The following FHIP1A variants were observed in gnomAD, a reference collection of about 807,000 sequenced individuals.
FHIP1A encodes FHF complex subunit HOOK-interacting protein 1A.
In FHIP1A, 61 loss-of-function variants were observed where a neutral mutation model predicts 88.6. That is an observed-to-expected ratio of 0.69 (90% CI 0.56 to 0.85). The LOEUF (loss-of-function observed/expected upper bound fraction) is 0.85, where lower values mean the gene tolerates loss of function less well. Among genes scored for constraint, FHIP1A ranks in the 40% least tolerant of loss-of-function variants. FHIP1A has a pLI of 0.00. For missense variants in FHIP1A, 1,154 were observed against 1,273.5 expected (o/e 0.91, Z 1.43); for synonymous variants, 478 against 496.0 (o/e 0.96, Z 0.48).
chr4:151,542,715 C>G (rs1580687870), intron 3 of FHIP1A, among the ~76,000 whole-genome samples: 1 of 152,180 alleles, frequency 6.6e-6, no homozygotes, highest in Non-Finnish European at 1.5e-5. Flanking sequence ...GTGGCAGTTC[C>G]TGCTCCTCAA....
At chr4:151,511,649 G>A (rs922408711) in intron 3 of FHIP1A, among the ~76,000 whole-genome samples, 6 of 152,326 alleles carry the variant, frequency 3.9e-5, no homozygotes, top group East Asian at 1.9e-4. Context: ...CACATGGCTC[G>A]GAGAGTCCTA....
intron 5 of FHIP1A, among the ~76,000 whole-genome samples, chr4:151,579,153 T>C (rs748863312): frequency 1.3e-5 from 2 of 152,196 alleles, no homozygotes; most frequent in African/African-American, 4.8e-5. Flanking sequence ...CAAATTACTT[T>C]GTATGATACT....
At chr4:151,468,284 CAAAAAAAA>C (rs921242622) in intron 2 of FHIP1A, among the ~76,000 whole-genome samples, 3 of 38,324 alleles carry the variant, frequency 7.8e-5, no homozygotes, top group Non-Finnish European at 1.6e-4. Flanking sequence ...GACTCCATCT[CAAAAAAAA>C]AAAAAAAAAA....
In FHIP1A at chr4:151,509,627, G is replaced by A. The variant is rs111375234; in HGVS notation, c.-123+26979G>A. Among the ~76,000 whole-genome samples, 521 of 152,160 alleles carry A rather than the reference G, an allele frequency of 3.4e-3. 2 individuals carry two copies. The highest frequency in any genetic ancestry group is 0.012 in the African/African-American group (495 of 41,508). Reference sequence around the variant, plus strand: ...GCTGACACATAAGTAAATAGTGGTCGGGGCAGGGAATAATGGTGACCAATA... The same window carrying A: ...GCTGACACATAAGTAAATAGTGGTCAGGGCAGGGAATAATGGTGACCAATA... On this transcript the variant is annotated intron_variant, in intron 3 of 13. Transcript: ENST00000435205.
At chr4:151,531,611 A>T (rs529540586) in intron 3 of FHIP1A, among the ~76,000 whole-genome samples, 4 of 152,254 alleles carry the variant, frequency 2.6e-5, no homozygotes, top group South Asian at 2.1e-4. Context: ...TTAATAATGT[A>T]AATGAAAAAG....
At chr4:151,456,569 A>T (rs1018977429) in intron 2 of FHIP1A, among the ~76,000 whole-genome samples, 4 of 152,196 alleles carry the variant, frequency 2.6e-5, no homozygotes, top group Non-Finnish European at 5.9e-5. Flanking sequence ...TCCACCAATC[A>T]TGGTTACATA....
At chr4:151,559,339 C>CAT (rs1282934508) in intron 3 of FHIP1A, among the ~76,000 whole-genome samples, 3 of 152,128 alleles carry the variant, frequency 2.0e-5, no homozygotes, top group South Asian at 2.1e-4. Flanking sequence ...CTAAGTAGTA[C>CAT]ATAAATATGG....
intron 3 of FHIP1A, among the ~76,000 whole-genome samples, chr4:151,526,923 A>G (rs1201733716): frequency 7.4e-6 from 1 of 135,696 alleles, no homozygotes; most frequent in African/African-American, 2.9e-5. Flanking sequence ...ATCTCAGACA[A>G]TGGGCGGCCG....
At chr4:151,488,865 C>G (rs1014923769) in intron 3 of FHIP1A, among the ~76,000 whole-genome samples, 9 of 152,126 alleles carry the variant, frequency 5.9e-5, no homozygotes, top group African/African-American at 2.2e-4. Flanking sequence ...TGATTTCTAC[C>G]AATTCTACAT....
chr4:151,549,567 A>T (rs1384853324), intron 3 of FHIP1A, among the ~76,000 whole-genome samples: 1 of 151,918 alleles, frequency 6.6e-6, no homozygotes, highest in Non-Finnish European at 1.5e-5. Flanking sequence ...GGAATTACCC[A>T]TGCCTTTCCC....
rs147024904 is a variant in FHIP1A at position 151,650,584 on chromosome 4, C to G, written c.2543C>G (p.Pro848Arg). Residue 848 changes from proline to arginine, a missense_variant, in exon 11 of 14, where the codon CCA (proline) becomes CGA (arginine). Coordinates refer to ENST00000435205, the MANE Select transcript of FHIP1A (RefSeq NM_001109977.3). ...CATCCCGTGAGGACTCAAAGCACCC[C>G]ATTCACAGGTGACCATCTTAAATTG... Reference protein sequence around the residue: ...SRHPVRTQSTPFTGPFISVVL... With the variant: ...SRHPVRTQSTRFTGPFISVVL... 1.3e-6 allele frequency: 2 copies of G among 1,546,118 alleles called. No individual in the cohort carries two copies. Among genetic ancestry groups the G allele is most frequent in the Non-Finnish European group, 1.7e-6 (2 of 1,144,478 alleles).
At chr4:151,448,750 A>G (rs1215013639) in intron 1 of FHIP1A, among the ~76,000 whole-genome samples, 1 of 152,184 alleles carries the variant, frequency 6.6e-6, no homozygotes, top group Non-Finnish European at 1.5e-5. Context: ...TGTGAATGCT[A>G]TGAACATGGG....
intron 2 of FHIP1A, among the ~76,000 whole-genome samples, chr4:151,471,999 C>A (rs1005915196): frequency 6.6e-6 from 1 of 152,068 alleles, no homozygotes; most frequent in Non-Finnish European, 1.5e-5. Context: ...ACCACAGTTT[C>A]TTTATCTTCT....
chr4:151,550,072 C>G (rs991320506), intron 3 of FHIP1A, among the ~76,000 whole-genome samples: 1 of 151,930 alleles, frequency 6.6e-6, no homozygotes. Context: ...TATTTGTTTG[C>G]CTGTTTATAT....
rs564671344 is a variant in FHIP1A, at chr4:151,476,161, A to ATTTT, written c.-247-6347_-247-6344dup. Among the ~76,000 whole-genome samples, 110 of 111,516 alleles carry ATTTT rather than the reference A, an allele frequency of 9.9e-4. 7 individuals carry two copies. Among genetic ancestry groups the ATTTT allele is most frequent in the Non-Finnish European group, 1.4e-3 (77 of 56,782 alleles). 73.2% of individuals were successfully genotyped at this position (111,516 alleles called of 152,430 possible). On this transcript the variant is annotated intron_variant, in intron 2 of 13. Coordinates refer to ENST00000435205, the MANE Select transcript of FHIP1A (RefSeq NM_001109977.3). ...AGGCATGAGACACTGTGCTCGGCCGATTTTTTTTTTTTTTTTTTTGCCCAG... is the reference window on the plus strand; with the variant it reads ...AGGCATGAGACACTGTGCTCGGCCGATTTTTTTTTTTTTTTTTTTTTTTGCCCAG...
chr4:151,434,901 C>T (rs1733742328), intron 1 of FHIP1A, among the ~76,000 whole-genome samples: 1 of 152,016 alleles, frequency 6.6e-6, no homozygotes, highest in Non-Finnish European at 1.5e-5. Context: ...TTTTCTTTTT[C>T]ACACTATGCA....
chr4:151,432,421 G>A (rs1733625658), intron 1 of FHIP1A, among the ~76,000 whole-genome samples: 1 of 152,184 alleles, frequency 6.6e-6, no homozygotes, highest in Non-Finnish European at 1.5e-5. Context: ...TCTAGGTGCT[G>A]AGAATATAGT....
chr4:151,639,183 A>G (rs1736477251), intron 9 of FHIP1A, among the ~76,000 whole-genome samples: 1 of 152,242 alleles, frequency 6.6e-6, no homozygotes, highest in South Asian at 2.1e-4. Flanking sequence ...TGCTTTGATA[A>G]TGATACACAC....
At chr4:151,481,985 A>AT (rs1396387279) in intron 2 of FHIP1A, among the ~76,000 whole-genome samples, 1 of 152,126 alleles carries the variant, frequency 6.6e-6, no homozygotes, top group Non-Finnish European at 1.5e-5. Flanking sequence ...GTTAGGCCTG[A>AT]TGATAGGAGA....
Sources: allele counts gnomAD v4.1 joint callset (sites outside exome capture counted in the v4.1 genomes callset), GRCh38; gene constraint gnomAD v4.1.1; transcripts MANE v1.5; gene names NCBI Gene and HGNC (gene_info 2026-07-23, HGNC 2026-07-21).